GNA14: variants seen among roughly 807,000 people sequenced by gnomAD.
GNA14 encodes the protein G protein subunit alpha 14.
In GNA14, 50 loss-of-function variants were observed where a neutral mutation model predicts 42.0. That is an observed-to-expected ratio of 1.19 (90% CI 0.95 to 1.51). GNA14 has a LOEUF of 1.51. GNA14 is among the 40% of genes most tolerant of loss of function. The pLI is 0.00. For synonymous variants in GNA14, 173 were observed against 163.1 expected, an observed-to-expected ratio of 1.06 and a Z score of -0.46; for missense variants, 473 against 446.2, an observed-to-expected ratio of 1.06 and a Z score of -0.54.
intron 1 of GNA14, among the ~76,000 whole-genome samples, chr9:77,606,892 G>A (rs72732790): frequency 2.6e-3 from 397 of 152,244 alleles, no homozygotes; most frequent in Non-Finnish European, 4.4e-3. Context: ...GCCAGGTTGG[G>A]ATTTATCTTA....
intron 1 of GNA14, among the ~76,000 whole-genome samples, chr9:77,588,397 C>T (rs529774030): frequency 1.3e-5 from 2 of 152,260 alleles, no homozygotes; most frequent in South Asian, 2.1e-4. Flanking sequence ...GTGAAAGTAA[C>T]AAGCAGGACT....
At chr9:77,501,797 G>A (rs906509667) in intron 2 of GNA14, among the ~76,000 whole-genome samples, 5 of 145,268 alleles carry the variant, frequency 3.4e-5, no homozygotes, top group African/African-American at 1.3e-4. Flanking sequence ...TGCAAGCTCC[G>A]CCTCCCGGGT....
intron 1 of GNA14, among the ~76,000 whole-genome samples, chr9:77,561,316 G>A (rs1034611816): frequency 1.3e-5 from 2 of 152,078 alleles, no homozygotes; most frequent in African/African-American, 4.8e-5. Flanking sequence ...AAACTAATTT[G>A]TTCCCTCAAA....
chr9:77,425,443 G>A (rs1189513010), intron 6 of GNA14, 119 bp downstream of exon 6: 2 of 661,470 alleles, frequency 3.0e-6, no homozygotes, highest in African/African-American at 1.9e-5. Flanking sequence ...TGGGAATAGG[G>A]GGAGAGGCTA....
chr9:77,630,965 G>A (rs1824088428), intron 1 of GNA14, among the ~76,000 whole-genome samples: 1 of 152,148 alleles, frequency 6.6e-6, no homozygotes, highest in Non-Finnish European at 1.5e-5. Context: ...TCTGCCTTAG[G>A]ATTGCAAAAA....
intron 1 of GNA14, among the ~76,000 whole-genome samples, chr9:77,612,365 C>T (rs774890696): frequency 1.3e-5 from 2 of 152,136 alleles, no homozygotes; most frequent in Non-Finnish European, 2.9e-5. Context: ...CTCTAAGATC[C>T]TTTTCCAGAC....
chr9:77,471,647 C>T (rs977371588), intron 2 of GNA14, among the ~76,000 whole-genome samples: 5 of 151,988 alleles, frequency 3.3e-5, no homozygotes, highest in Non-Finnish European at 4.4e-5. Flanking sequence ...ATACGTTTTA[C>T]GGGAGATATT....
chr9:77,589,920 TTTTTG>T (rs1227811119), intron 1 of GNA14, among the ~76,000 whole-genome samples: 2 of 151,942 alleles, frequency 1.3e-5, no homozygotes, highest in East Asian at 1.9e-4. Context: ...CAAAGTCAGG[TTTTTG>T]TTTTGTTTTG....
At chr9:77,612,038 A>G (rs1202742704) in intron 1 of GNA14, among the ~76,000 whole-genome samples, 2 of 152,192 alleles carry the variant, frequency 1.3e-5, no homozygotes, top group African/African-American at 4.8e-5. Flanking sequence ...TAATAATAAC[A>G]ATATTGATAA....
intron 1 of GNA14, among the ~76,000 whole-genome samples, chr9:77,552,126 C>CAAAAAAAAAAA (rs34493872): frequency 1.6e-4 from 14 of 85,068 alleles, no homozygotes; most frequent in Non-Finnish European, 2.6e-4. Context: ...AACTCCATCT[C>CAAAAAAAAAAA]AAAAAAAAAA....
At chr9:77,599,473 G>C (rs1018347271) in intron 1 of GNA14, among the ~76,000 whole-genome samples, 3 of 152,100 alleles carry the variant, frequency 2.0e-5, no homozygotes, top group South Asian at 2.1e-4. Context: ...GACTGAACCC[G>C]GCCCAGTGGA....
chr9:77,620,716 G>A (rs1056174327), intron 1 of GNA14, among the ~76,000 whole-genome samples: 2 of 151,840 alleles, frequency 1.3e-5, no homozygotes, highest in Non-Finnish European at 2.9e-5. Context: ...ACATGGTGGT[G>A]CACACCTGTA....
At chr9:77,480,114 T>C (rs953915589) in intron 2 of GNA14, among the ~76,000 whole-genome samples, 1 of 152,120 alleles carries the variant, frequency 6.6e-6, no homozygotes, top group African/African-American at 2.4e-5. Flanking sequence ...AGAGAGGGCA[T>C]CCCTGTCTTG....
chr9:77,523,874 A>C (rs1178091359), intron 2 of GNA14, among the ~76,000 whole-genome samples: 1 of 152,184 alleles, frequency 6.6e-6, no homozygotes, highest in Non-Finnish European at 1.5e-5. Flanking sequence ...CAGATTCTGC[A>C]GAACCTTTAA....
At chr9:77,536,205 G>C (rs1837595727) in intron 1 of GNA14, among the ~76,000 whole-genome samples, 1 of 152,102 alleles carries the variant, frequency 6.6e-6, no homozygotes. Context: ...CTCAACAAAA[G>C]AGATTAATAC....
At chr9:77,500,128 T>G (rs2131742505) in intron 2 of GNA14, among the ~76,000 whole-genome samples, 1 of 152,052 alleles carries the variant, frequency 6.6e-6, no homozygotes, top group African/African-American at 2.4e-5. Context: ...GTTCAAGCAA[T>G]TCTCGTGCCT....
chr9:77,498,576 G>T (rs1198371659), intron 2 of GNA14, among the ~76,000 whole-genome samples: 1 of 152,252 alleles, frequency 6.6e-6, no homozygotes, highest in Non-Finnish European at 1.5e-5. Context: ...GTGATTTAAT[G>T]TGCATTCTAG....
At chr9:77,627,073 T>C (rs762169688) in intron 1 of GNA14, among the ~76,000 whole-genome samples, 2 of 152,052 alleles carry the variant, frequency 1.3e-5, no homozygotes, top group African/African-American at 4.8e-5. Context: ...CCCACAGAAA[T>C]ACAAACTACC....
chr9:77,567,898 C>T (rs1472960952), intron 1 of GNA14, among the ~76,000 whole-genome samples: 3 of 151,980 alleles, frequency 2.0e-5, no homozygotes, highest in African/African-American at 7.2e-5. Flanking sequence ...CCATTATGGC[C>T]AGCAAAAGTT....
Sources: allele counts gnomAD v4.1 joint callset (sites outside exome capture counted in the v4.1 genomes callset), GRCh38; gene constraint gnomAD v4.1.1; transcripts MANE v1.5; gene names NCBI Gene and HGNC (gene_info 2026-07-23, HGNC 2026-07-21).